The following MARCO variants were observed in gnomAD, a reference collection of about 807,000 sequenced individuals.
MARCO encodes the protein macrophage receptor with collagenous structure, also known as macrophage receptor MARCO.
Under a neutral mutation model 70.0 loss-of-function variants are expected in MARCO, and 72 were observed. That is an observed-to-expected ratio of 1.03 (90% CI 0.85 to 1.25). The LOEUF (loss-of-function observed/expected upper bound fraction) is 1.25, where lower values mean the gene tolerates loss of function less well. Among genes scored for constraint, MARCO ranks in the 50% most tolerant of loss-of-function variants. The probability of loss-of-function intolerance (pLI) is 0.00; values close to 1 mark genes in which losing one functional copy is unlikely to be tolerated. For synonymous variants in MARCO, 273 were observed against 243.1 expected (o/e 1.12, Z -1.14); for missense variants, 696 against 659.3 (o/e 1.06, Z -0.61).
intron 9 of MARCO, 23 bp downstream of exon 9, chr2:118,981,530 C>T: frequency 1.3e-6 from 2 of 1,594,628 alleles, no homozygotes; most frequent in Non-Finnish European, 1.7e-6. Flanking sequence ...GTGGTCACAT[C>T]CACTGACCTC....
rs374405181 is a variant in MARCO, at chr2:118,969,204, G to A, written c.142G>A (p.Val48Met). The A allele has an allele frequency of 2.6e-4, 421 of 1,614,102 alleles. 1 individual carries two copies. Among genetic ancestry groups the A allele is most frequent in the Non-Finnish European group, 3.3e-4 (385 of 1,180,028 alleles). The change falls in exon 2 of 17, where the codon GTG (valine) becomes ATG (methionine). Residue 48 changes from valine to methionine, a missense_variant. Physicochemically the swap from Val to Met is conservative, Grantham distance 21 (BLOSUM62 1). Around this residue, in one of 3 missense-constraint regions of MARCO, gnomAD observed 605 missense variants for 537.6 expected, o/e 1.13. Coordinates refer to ENST00000327097, the MANE Select transcript of MARCO (RefSeq NM_006770.4). ...RRNGVNFSLA[V>M]VVIYLILLTA... ...AAATGGGGTGAACTTCTCCCTAGCT[G>A]TGGTGGTCATCTACCTGATCCTGCT...
At chr2:118,956,597 T>C (rs1042134474) in intron 1 of MARCO, among the ~76,000 whole-genome samples, 18 of 152,082 alleles carry the variant, frequency 1.2e-4, no homozygotes, top group African/African-American at 4.1e-4. Flanking sequence ...AGACAGAAAG[T>C]CAACAAAGAA....
At chr2:118,979,354 G>A (rs926193512) in intron 8 of MARCO, among the ~76,000 whole-genome samples, 1 of 152,188 alleles carries the variant, frequency 6.6e-6, no homozygotes, top group Non-Finnish European at 1.5e-5. Flanking sequence ...ATGGGTTTTA[G>A]CGGGAAGCTG....
intron 12 of MARCO, among the ~76,000 whole-genome samples, chr2:118,984,235 G>C (rs1191035199): frequency 6.6e-6 from 1 of 152,204 alleles, no homozygotes; most frequent in Non-Finnish European, 1.5e-5. Flanking sequence ...GCAGAAGGTA[G>C]CAGCTTGTTC....
chr2:118,968,153 C>T (rs1363828252), intron 1 of MARCO, among the ~76,000 whole-genome samples: 1 of 152,342 alleles, frequency 6.6e-6, no homozygotes, highest in South Asian at 2.1e-4. Flanking sequence ...GCAGTAGGAA[C>T]TGCAGGGCCT....
chr2:118,974,551 T>G lies in MARCO; in HGVS notation c.599T>G (p.Val200Gly). 6.2e-7 allele frequency: 1 copy of G among 1,612,460 alleles called. No individual in the cohort carries two copies. ...GPSGPQGPPG[V>G]KGEAGLQGPQ... ...TCGGGACCCCAAGGCCCACCGGGAG[T>G]CAAGGGAGAGGCGGGTGAGTAGGTG... The change falls in exon 6 of 17, where the codon GTC becomes GGC. Residue 200 changes from valine to glycine, a missense_variant. Transcript: ENST00000327097.
intron 8 of MARCO, among the ~76,000 whole-genome samples, chr2:118,978,808 T>A (rs1169085312): frequency 1.3e-5 from 2 of 152,196 alleles, no homozygotes; most frequent in African/African-American, 2.4e-5. Flanking sequence ...TGACAACTAG[T>A]AATAGGCATT....
At chr2:118,970,421 C>G in intron 3 of MARCO, 83 bp downstream of exon 3, 1 of 1,088,646 alleles carries the variant, frequency 9.2e-7, no homozygotes, top group South Asian at 1.4e-5. Flanking sequence ...AATTAAGGAC[C>G]CTGTCCAAGC....
chr2:118,990,568 CCTT>C lies in MARCO; in HGVS notation c.1064-20_1064-18del. 1 of 1,583,650 alleles carries C rather than the reference CCTT, an allele frequency of 6.3e-7. No individual in the cohort carries two copies. The highest frequency in any genetic ancestry group is 8.7e-7 in the Non-Finnish European group (1 of 1,153,356). Reference sequence around the variant, plus strand: ...AAGTTTTATTATCTCCTCCCCCCCCCCTTTTTTGTTTTGATCTTAGGACTTCAA... The same window carrying C: ...AAGTTTTATTATCTCCTCCCCCCCCCTTTTGTTTTGATCTTAGGACTTCAA... On this transcript the variant is annotated intron_variant, in intron 12 of 16. Transcript: ENST00000327097.
chr2:118,947,795 T>G (rs888378139), intron 1 of MARCO, among the ~76,000 whole-genome samples: 1 of 152,238 alleles, frequency 6.6e-6, no homozygotes, highest in Admixed American at 6.5e-5. Context: ...AGTCTTCTTT[T>G]CAAAACTGCT....
intron 1 of MARCO, among the ~76,000 whole-genome samples, chr2:118,961,926 T>A (rs1400555087): frequency 1.3e-5 from 2 of 152,216 alleles, no homozygotes; most frequent in Non-Finnish European, 2.9e-5. Flanking sequence ...CAGTTTCAGT[T>A]TTCTGCATAT....
chr2:118,956,978 A>G (rs1273292003), intron 1 of MARCO, among the ~76,000 whole-genome samples: 19 of 152,040 alleles, frequency 1.2e-4, no homozygotes, highest in Non-Finnish European at 2.1e-4. Context: ...CAAAACCTCT[A>G]GGATACAGCT....
At chr2:118,994,270 A>G (rs1314870349) in intron 16 of MARCO, 117 bp from the exon 17 acceptor site, 18 of 1,110,008 alleles carry the variant, frequency 1.6e-5, no homozygotes, top group Non-Finnish European at 2.2e-5. Flanking sequence ...ATGGGCCAGA[A>G]TGAGTGAGAA....
Position 118,982,358 on chromosome 2 carries a change from G to A in MARCO, c.1011G>A (p.Gly337=). 6.2e-7 allele frequency: 1 copy of A among 1,613,952 alleles called. No homozygotes were observed. Among genetic ancestry groups the A allele is most frequent in the Non-Finnish European group, 8.5e-7 (1 of 1,179,918 alleles). ...AGSPGRAGLP[G]SPGSPGATGL... is the part of the protein sequence containing the mutation. ...GTGTCTGTTGTCCAGGACTTCCAGGGAGCCCCGGGAGTCCAGGAGCCACAG... is the reference window on the plus strand; with the variant it reads ...GTGTCTGTTGTCCAGGACTTCCAGGAAGCCCCGGGAGTCCAGGAGCCACAG... The change falls in exon 12 of 17, where the codon GGG becomes GGA. Residue 337 remains glycine (G), a synonymous_variant. Transcript: ENST00000327097.
intron 1 of MARCO, among the ~76,000 whole-genome samples, chr2:118,951,657 A>G (rs1373904822): frequency 6.6e-6 from 1 of 152,252 alleles, no homozygotes; most frequent in Non-Finnish European, 1.5e-5. Flanking sequence ...CCCTGTTTAC[A>G]CTGACAACAA....
chr2:118,944,818 T>C (rs1679565275), intron 1 of MARCO: 1 of 152,190 alleles, frequency 6.6e-6, no homozygotes, highest in Non-Finnish European at 1.5e-5. Context: ...TTTCACACTG[T>C]ACCCTCTAGA....
At chr2:118,949,224 T>G (rs1367034361) in intron 1 of MARCO, 1 of 152,182 alleles carries the variant, frequency 6.6e-6, no homozygotes, top group East Asian at 1.9e-4. Flanking sequence ...CATGTCCCCT[T>G]GATTTGAGGA....
At chr2:118,967,366 G>A (rs937180385) in intron 1 of MARCO, among the ~76,000 whole-genome samples, 8 of 152,192 alleles carry the variant, frequency 5.3e-5, no homozygotes, top group Non-Finnish European at 1.2e-4. Flanking sequence ...CCATTGGTCA[G>A]GATCCATGTG....
intron 15 of MARCO, 32 bp downstream of exon 15, chr2:118,992,508 G>GCACA: frequency 1.9e-6 from 3 of 1,541,732 alleles, no homozygotes; most frequent in Non-Finnish European, 2.7e-6. Context: ...TTTAATGTGT[G>GCACA]CTTTAAAGTC....
Sources: allele counts gnomAD v4.1 joint callset (sites outside exome capture counted in the v4.1 genomes callset), GRCh38; gene constraint gnomAD v4.1.1; regional missense constraint gnomAD v4.1.1; transcripts MANE v1.5; gene names NCBI Gene and HGNC (gene_info 2026-07-23, HGNC 2026-07-21).